IFT122: variants seen among roughly 807,000 people sequenced by gnomAD.
The protein encoded by IFT122 is intraflagellar transport 122, also known as intraflagellar transport protein 122 homolog.
In IFT122, 118 loss-of-function variants were observed where a neutral mutation model predicts 161.6. That is an observed-to-expected ratio of 0.73 (90% confidence interval 0.63 to 0.85). The LOEUF (loss-of-function observed/expected upper bound fraction) is 0.85. IFT122 is among the 40% of genes least tolerant of loss of function. The pLI, the probability that IFT122 is intolerant of heterozygous loss-of-function variation, is 0.00. For missense variants in IFT122, 1,381 were observed against 1,579.6 expected (o/e 0.87, Z 2.13); for synonymous variants, 550 against 602.4 (o/e 0.91, Z 1.27).
intron 25 of IFT122, 31 bp from the exon 26 acceptor site, chr3:129,515,457 G>C (rs553240103): frequency 9.0e-7 from 1 of 1,113,756 alleles, no homozygotes; most frequent in South Asian, 1.3e-5. Flanking sequence ...TGCCTGCCCC[G>C]GCCCCTCGGG....
At chr3:129,443,403 G>C (rs545015832) in intron 1 of IFT122, among the ~76,000 whole-genome samples, 1 of 152,298 alleles carries the variant, frequency 6.6e-6, no homozygotes, top group South Asian at 2.1e-4. Context: ...GGTGGAGAGA[G>C]AACCATCCTA....
chr3:129,513,591 G>A (rs966851113), intron 24 of IFT122: 2 of 154,712 alleles, frequency 1.3e-5, no homozygotes, highest in African/African-American at 4.8e-5. Flanking sequence ...TGAGTCAACA[G>A]CTTGATAGAA....
intron 1 of IFT122, among the ~76,000 whole-genome samples, chr3:129,444,971 C>G (rs1378420164): frequency 6.6e-6 from 1 of 152,070 alleles, no homozygotes; most frequent in Admixed American, 6.5e-5. Context: ...TTGACATATG[C>G]CAACAATGAT....
intron 2 of IFT122, among the ~76,000 whole-genome samples, chr3:129,451,092 C>T (rs957539645): frequency 1.1e-4 from 16 of 151,782 alleles, no homozygotes; most frequent in Admixed American, 8.5e-4. Context: ...ATCCATATTA[C>T]AGCTGGGTTT....
At position 129,476,794 on chromosome 3, in the gene IFT122, G is replaced by A; in HGVS notation, c.1140G>A (p.Glu380=). 1 of 1,614,200 alleles carries A rather than the reference G, an allele frequency of 6.2e-7. No homozygotes were observed. ...TCATTGTGCAGCACCTGATCACTGA[G>A]CAGAAAGGTAAGAGGCAGGTCCAGA... is the stretch of plus-strand genomic sequence containing the variant. ...TDVIVQHLIT[E]QKVRIKCKEL... is the part of the protein sequence containing the mutation. Residue 380 remains glutamate (E), a synonymous_variant, in exon 11 of 30, where the codon GAG becomes GAA. Transcript: ENST00000348417.
At chr3:129,458,577 T>C (rs1166886574) in intron 3 of IFT122, 22 bp from the exon 4 acceptor site, 10 of 1,602,810 alleles carry the variant, frequency 6.2e-6, no homozygotes, top group Middle Eastern at 3.3e-4. Context: ...TGTAAGACTT[T>C]CCATTTTACA....
rs535270845 is a variant in IFT122 at position 129,440,450 on chromosome 3, G to C, written c.41+79G>C. On this transcript the variant is annotated intron_variant, in intron 1 of 29. Coordinates refer to ENST00000348417, the MANE Select transcript of IFT122 (RefSeq NM_052989.3). ...GCGCGAGCCGCTGCAGCGTGTTTGA[G>C]GGGGGCAGCGGGCTTGCTGCCTGGG... is the stretch of plus-strand genomic sequence containing the variant. The C allele has an allele frequency of 4.0e-6, 6 of 1,501,164 alleles. No individual in the cohort carries two copies. The East Asian group carries it at 9.8e-5, about 25-fold the overall frequency. 93.0% of individuals were successfully genotyped at this position (1,501,164 alleles called of 1,614,324 possible). A position where few individuals can be genotyped will look rare whatever the true frequency, so the allele number is the denominator to read the frequency against.
chr3:129,492,731 A>G (rs529255487), intron 17 of IFT122, among the ~76,000 whole-genome samples: 1 of 152,068 alleles, frequency 6.6e-6, no homozygotes, highest in South Asian at 2.1e-4. Context: ...TTGTCATCCA[A>G]ACCCAATAGG....
In IFT122 at chr3:129,504,460, A is replaced by G. The variant is rs781026677; in HGVS notation, c.2650+39A>G. The G allele has an allele frequency of 4.6e-6, 7 of 1,517,618 alleles. No individual in the cohort carries two copies. The South Asian group carries it at 7.9e-5, about 17-fold the overall frequency. 94.0% of individuals were successfully genotyped at this position (1,517,618 alleles called of 1,614,324 possible). The stretch of plus-strand genomic sequence containing the variant: ...ACTGTCACCTTCTAGAAGGAGCAGG[A>G]GAAGTTACTGCCAAGACATACATTT... On this transcript the variant is annotated intron_variant, in intron 21 of 29. Coordinates refer to ENST00000348417, the MANE Select transcript of IFT122 (RefSeq NM_052989.3).
intron 1 of IFT122, among the ~76,000 whole-genome samples, chr3:129,446,874 GTTGT>G (rs1360802568): frequency 6.6e-6 from 1 of 152,084 alleles, no homozygotes; most frequent in South Asian, 2.1e-4. Flanking sequence ...TTTTGTTGTT[GTTGT>G]TTGTTTTTTG....
At chr3:129,440,857 G>C (rs1352958146) in intron 1 of IFT122, among the ~76,000 whole-genome samples, 1 of 152,162 alleles carries the variant, frequency 6.6e-6, no homozygotes, top group Non-Finnish European at 1.5e-5. Context: ...AATCAGCGTC[G>C]CTTGCTCTAA....
At chr3:129,447,044 G>C (rs1430336969) in intron 1 of IFT122, among the ~76,000 whole-genome samples, 2 of 152,130 alleles carry the variant, frequency 1.3e-5, no homozygotes, top group East Asian at 3.9e-4. Flanking sequence ...CATTTTTCTA[G>C]CCTCATTTCT....
At chr3:129,486,171 A>G (rs1222665044) in intron 15 of IFT122, among the ~76,000 whole-genome samples, 1 of 152,228 alleles carries the variant, frequency 6.6e-6, no homozygotes, top group Non-Finnish European at 1.5e-5. Flanking sequence ...TCCAAGTGTT[A>G]GCCATCCATC....
chr3:129,488,815 A>G lies in IFT122; in HGVS notation c.1992+418A>G, dbSNP rs550841607. ...GTCACTGGCCATGATGCTGCACACA[A>G]TGCTGCTTTTCTTAGCATCTGCCAA... On this transcript the variant is annotated intron_variant, in intron 16 of 29. Transcript: ENST00000348417. 3.9e-5 allele frequency among the ~76,000 whole-genome samples: 6 copies of G among 152,070 alleles called. No homozygotes were observed. The South Asian group carries it at 1.0e-3, about 26-fold the overall frequency.
chr3:129,499,815 GC>G, intron 18 of IFT122, 86 bp from the exon 19 acceptor site: 1 of 1,540,450 alleles, frequency 6.5e-7, no homozygotes. Context: ...GCCATGTGGA[GC>G]CCGCCCTTGC....
At chr3:129,490,984 T>C (rs1023768352) in intron 16 of IFT122, among the ~76,000 whole-genome samples, 2 of 152,214 alleles carry the variant, frequency 1.3e-5, no homozygotes, top group Non-Finnish European at 2.9e-5. Flanking sequence ...GGTTCGTAGT[T>C]GGAGAGCTCT....
intron 23 of IFT122, among the ~76,000 whole-genome samples, chr3:129,508,789 A>G (rs2082464797): frequency 1.4e-5 from 2 of 145,016 alleles, no homozygotes; most frequent in South Asian, 4.4e-4. Context: ...TTGGTTAGCA[A>G]GAGGTCAGGT....
rs971386664 is a variant in IFT122 at position 129,457,732 on chromosome 3, G to GTTT, written c.194-848_194-846dup. ...ATATTTCAAAACTGGCACAGGAATA[G>GTTT]TTTTTTTTTTTTTTTTTTTTTGAGA... On this transcript the variant is annotated intron_variant, in intron 3 of 29. Transcript: ENST00000348417. Among the ~76,000 whole-genome samples the GTTT allele has an allele frequency of 9.2e-3, 1,095 of 119,584 alleles. 24 individuals are homozygous for GTTT. The highest frequency in any genetic ancestry group is 0.021 in the South Asian group (78 of 3,636). The allele number at this position is 119,584 out of a possible 152,430, so 78.5% of individuals were successfully genotyped here.
chr3:129,509,322 T>G (rs1182368276), intron 23 of IFT122, among the ~76,000 whole-genome samples: 1 of 149,862 alleles, frequency 6.7e-6, no homozygotes, highest in Non-Finnish European at 1.5e-5. Context: ...CTTCGGCAAC[T>G]TCTCCTGTAG....
Sources: allele counts gnomAD v4.1 joint callset (sites outside exome capture counted in the v4.1 genomes callset), GRCh38; gene constraint gnomAD v4.1.1; transcripts MANE v1.5; gene names NCBI Gene and HGNC (gene_info 2026-07-23, HGNC 2026-07-21).